The following SLCO6A1 variants were observed in gnomAD, a reference collection of about 807,000 sequenced individuals.
SLCO6A1 encodes solute carrier organic anion transporter family member 6A1.
In SLCO6A1, 65 loss-of-function variants were observed where a neutral mutation model predicts 72.7. The ratio of observed to expected loss-of-function variants is 0.89; its 90% CI spans 0.73 to 1.10. The LOEUF is 1.10. Ranked by LOEUF, SLCO6A1 falls within the 50% of genes least tolerant of loss-of-function variation. The pLI, the probability that SLCO6A1 is intolerant of heterozygous loss-of-function variation, is 0.00. For synonymous variants in SLCO6A1, 314 were observed against 298.2 expected, an observed-to-expected ratio of 1.05 and a Z score of -0.55; for missense variants, 874 against 872.6, an observed-to-expected ratio of 1.00 and a Z score of -0.02.
At chr5:102,486,184 G>C (rs1402828678) in intron 1 of SLCO6A1, among the ~76,000 whole-genome samples, 2 of 152,084 alleles carry the variant, frequency 1.3e-5, no homozygotes, top group Middle Eastern at 3.2e-3. Flanking sequence ...AATTTGCCTA[G>C]TTAGAGCAAA....
chr5:102,414,811 C>T (rs1748183480), intron 8 of SLCO6A1, among the ~76,000 whole-genome samples: 1 of 152,074 alleles, frequency 6.6e-6, no homozygotes, highest in Non-Finnish European at 1.5e-5. Flanking sequence ...AGGAGAATTG[C>T]TTGAACCAGG....
At chr5:102,497,556 C>T (rs1407547392) in intron 1 of SLCO6A1, among the ~76,000 whole-genome samples, 1 of 152,176 alleles carries the variant, frequency 6.6e-6, no homozygotes, top group East Asian at 1.9e-4. Flanking sequence ...AGGTGAGGCA[C>T]CCAAGTTCGT....
At chr5:102,445,923 C>T (rs534143503) in intron 6 of SLCO6A1, among the ~76,000 whole-genome samples, 3 of 152,168 alleles carry the variant, frequency 2.0e-5, no homozygotes, top group African/African-American at 7.2e-5. Context: ...TTCCATTGGT[C>T]TCTGTGTCTG....
At chr5:102,489,214 A>T (rs1752568271) in intron 1 of SLCO6A1, among the ~76,000 whole-genome samples, 1 of 152,248 alleles carries the variant, frequency 6.6e-6, no homozygotes, top group Admixed American at 6.5e-5. Flanking sequence ...ACGCAACCTC[A>T]GACCTGCAAG....
At chr5:102,405,225 T>C (rs1747609476) in intron 9 of SLCO6A1, among the ~76,000 whole-genome samples, 1 of 151,862 alleles carries the variant, frequency 6.6e-6, no homozygotes, top group South Asian at 2.1e-4. Context: ...GCAGCTGAAT[T>C]GTGAAGGAGA....
At chr5:102,396,017 T>A (rs897475180) in intron 10 of SLCO6A1, among the ~76,000 whole-genome samples, 7 of 152,070 alleles carry the variant, frequency 4.6e-5, no homozygotes, top group Admixed American at 4.6e-4. Context: ...TGGTAGTTTC[T>A]TTTGCTGTGC....
At chr5:102,449,456 G>A (rs994880759) in intron 6 of SLCO6A1, among the ~76,000 whole-genome samples, 3 of 151,174 alleles carry the variant, frequency 2.0e-5, no homozygotes, top group South Asian at 4.2e-4. Context: ...GCACAATCTC[G>A]GCTCACTGCA....
chr5:102,452,422 T>C (rs1750465997), intron 6 of SLCO6A1, among the ~76,000 whole-genome samples: 2 of 152,184 alleles, frequency 1.3e-5, no homozygotes, highest in African/African-American at 4.8e-5. Flanking sequence ...GAGAGGTAGC[T>C]TTTTTCTTAT....
At chr5:102,384,455 T>A (rs1404137062) in intron 12 of SLCO6A1, among the ~76,000 whole-genome samples, 1 of 152,046 alleles carries the variant, frequency 6.6e-6, no homozygotes, top group Non-Finnish European at 1.5e-5. Context: ...TTGAATTTTT[T>A]TTTGTAGTGG....
chr5:102,460,819 G>T (rs1750986298), intron 4 of SLCO6A1, among the ~76,000 whole-genome samples: 1 of 150,558 alleles, frequency 6.6e-6, no homozygotes, highest in Admixed American at 6.7e-5. Context: ...ACAGCTCTTT[G>T]TCTACTGCTA....
intron 10 of SLCO6A1, among the ~76,000 whole-genome samples, chr5:102,395,254 T>C (rs918705328): frequency 5.9e-5 from 9 of 151,372 alleles, no homozygotes; most frequent in Non-Finnish European, 8.8e-5. Context: ...TGTGTTCTCA[T>C]TGTTCAATTC....
At chr5:102,462,771 T>A (rs569986610) in intron 4 of SLCO6A1, among the ~76,000 whole-genome samples, 11 of 152,132 alleles carry the variant, frequency 7.2e-5, no homozygotes, top group Non-Finnish European at 2.9e-5. Flanking sequence ...TATACAAAAA[T>A]CAACTCAAGA....
intron 12 of SLCO6A1, among the ~76,000 whole-genome samples, chr5:102,374,035 ATTCT>A (rs547355235): frequency 4.8e-4 from 68 of 142,888 alleles, no homozygotes; most frequent in Non-Finnish European, 8.2e-4. Flanking sequence ...TTTTAAATTA[ATTCT>A]TTTTTTTTTT....
At chr5:102,411,893 A>C (rs1175329186) in intron 9 of SLCO6A1, among the ~76,000 whole-genome samples, 3 of 152,168 alleles carry the variant, frequency 2.0e-5, no homozygotes, top group African/African-American at 7.2e-5. Context: ...CATTTCTTTC[A>C]GGTCTTTCCA....
At chr5:102,443,393 T>C (rs963900125) in intron 6 of SLCO6A1, among the ~76,000 whole-genome samples, 1 of 152,174 alleles carries the variant, frequency 6.6e-6, no homozygotes, top group African/African-American at 2.4e-5. Context: ...TGTCAGTATA[T>C]CAAAGTTGTG....
intron 9 of SLCO6A1, among the ~76,000 whole-genome samples, chr5:102,403,026 T>C (rs1328016548): frequency 1.3e-5 from 2 of 152,210 alleles, no homozygotes; most frequent in Non-Finnish European, 2.9e-5. Flanking sequence ...TGACCTAGAA[T>C]AATGTAAAGC....
intron 2 of SLCO6A1, 51 bp from the exon 3 acceptor site, chr5:102,477,912 A>G (rs112251952): frequency 0.012 from 17,140 of 1,480,606 alleles, 149 homozygotes; most frequent in Non-Finnish European, 0.013. Context: ...CAAACATAAA[A>G]CAAATGTGCA....
chr5:102,410,324 T>G (rs1006104988), intron 9 of SLCO6A1, among the ~76,000 whole-genome samples: 1 of 152,118 alleles, frequency 6.6e-6, no homozygotes, highest in Non-Finnish European at 1.5e-5. Flanking sequence ...CCTTCATTGC[T>G]CCATCCTCTC....
intron 4 of SLCO6A1, among the ~76,000 whole-genome samples, chr5:102,470,081 G>T (rs1751525109): frequency 6.6e-6 from 1 of 152,162 alleles, no homozygotes; most frequent in South Asian, 2.1e-4. Flanking sequence ...GAGGATTTTC[G>T]CATCGATGTT....
Sources: allele counts gnomAD v4.1 joint callset (sites outside exome capture counted in the v4.1 genomes callset), GRCh38; gene constraint gnomAD v4.1.1; transcripts MANE v1.5; gene names NCBI Gene and HGNC (gene_info 2026-07-23, HGNC 2026-07-21).